Variants in VAT1L observed in about 807,000 individuals in gnomAD.
VAT1L encodes vesicle amine transport 1 like, also known as putative NADPH-dependent quinone oxidoreductase VAT1L.
Under a neutral mutation model 44.1 loss-of-function variants are expected in VAT1L, and 34 were observed. The observed-to-expected ratio is 0.77, with a 90% CI of 0.59 to 1.03. The LOEUF is 1.03. VAT1L is among the 50% of genes least tolerant of loss of function. The pLI is 0.00. For synonymous variants in VAT1L, 253 were observed against 202.2 expected (o/e 1.25, Z -2.13); for missense variants, 615 against 538.8 (o/e 1.14, Z -1.40).
chr16:77,876,447 A>C lies in VAT1L; in HGVS notation c.800A>C (p.Lys267Thr). 1 of 1,614,172 alleles carries C rather than the reference A, an allele frequency of 6.2e-7. No individual in the cohort carries two copies. The highest frequency in any genetic ancestry group is 8.5e-7 in the Non-Finnish European group (1 of 1,180,020). Residue 267 changes from lysine (K) to threonine (T), a missense_variant, in exon 5 of 9, where the codon AAA becomes ACA. Physicochemically the swap from Lys to Thr is moderately conservative, Grantham distance 78. Transcript: ENST00000302536. The stretch of plus-strand genomic sequence containing the variant: ...ACTGGAAAAGGTCTCAGTCTTCTCA[A>C]ACCCCTGGGAACCTACATTTTATAT... Reference protein sequence around the residue: ...DNTGKGLSLLKPLGTYILYGS... With the variant: ...DNTGKGLSLLTPLGTYILYGS...
At chr16:77,851,994 T>A (rs1233116892) in intron 3 of VAT1L, among the ~76,000 whole-genome samples, 1 of 152,146 alleles carries the variant, frequency 6.6e-6, no homozygotes, top group Non-Finnish European at 1.5e-5. Context: ...TCAGGTTTTC[T>A]GTTCCTGCGT....
At chr16:77,958,233 G>A (rs1226896102) in intron 7 of VAT1L, among the ~76,000 whole-genome samples, 4 of 151,952 alleles carry the variant, frequency 2.6e-5, no homozygotes, top group African/African-American at 9.7e-5. Context: ...ATGTCCCTCC[G>A]TTTGGCTGAG....
At chr16:77,929,474 C>G (rs1464702043) in intron 7 of VAT1L, among the ~76,000 whole-genome samples, 1 of 152,148 alleles carries the variant, frequency 6.6e-6, no homozygotes, top group South Asian at 2.1e-4. Context: ...ATTAGCAATT[C>G]TCAGCTCCAG....
At chr16:77,798,952 C>CTCTCCT (rs1408236353) in intron 1 of VAT1L, among the ~76,000 whole-genome samples, 1 of 152,032 alleles carries the variant, frequency 6.6e-6, no homozygotes, top group Non-Finnish European at 1.5e-5. Flanking sequence ...AGGCTTTCTC[C>CTCTCCT]TCTCCTTCCC....
At chr16:77,890,496 A>G (rs1465839226) in intron 7 of VAT1L, among the ~76,000 whole-genome samples, 11 of 152,186 alleles carry the variant, frequency 7.2e-5, no homozygotes, top group Admixed American at 5.9e-4. Context: ...TCTGGCCCCA[A>G]GTATGATCAC....
chr16:77,870,135 C>G (rs937044845), intron 4 of VAT1L, among the ~76,000 whole-genome samples: 3 of 152,188 alleles, frequency 2.0e-5, no homozygotes, highest in African/African-American at 7.2e-5. Context: ...GGGCTTGGCC[C>G]CCTGTGAGAA....
At chr16:77,825,138 A>C (rs768806111) in intron 2 of VAT1L, 108 bp from the exon 3 acceptor site, 25 of 1,199,462 alleles carry the variant, frequency 2.1e-5, no homozygotes, top group Non-Finnish European at 2.9e-5. Context: ...AAGTGCTGGG[A>C]TTATACGCAT....
intron 7 of VAT1L, among the ~76,000 whole-genome samples, chr16:77,963,406 G>A (rs1455519143): frequency 6.6e-6 from 1 of 152,060 alleles, no homozygotes; most frequent in Non-Finnish European, 1.5e-5. Context: ...TTCTAAAGAC[G>A]GGAAAGTCAA....
intron 4 of VAT1L, among the ~76,000 whole-genome samples, chr16:77,865,986 G>T (rs1394816492): frequency 1.3e-5 from 2 of 152,124 alleles, no homozygotes; most frequent in Non-Finnish European, 2.9e-5. Context: ...AGAACAGAAG[G>T]CATTTGAGAC....
intron 7 of VAT1L, 39 bp from the exon 8 acceptor site, chr16:77,971,811 C>A (rs769563514): frequency 8.8e-6 from 14 of 1,596,418 alleles, no homozygotes; most frequent in South Asian, 2.3e-5. Context: ...GGGAACATCT[C>A]GCCTAACCAG....
At position 77,796,627 on chromosome 16, in the gene VAT1L, C is replaced by A. The variant is rs1187426726; in HGVS notation, c.233+7712C>A. Among the ~76,000 whole-genome samples the A allele has an allele frequency of 3.3e-5, 5 of 152,198 alleles. 1 individual carries two copies. Among genetic ancestry groups the A allele is most frequent in the Admixed American group, 2.0e-4 (3 of 15,274 alleles). ...ACAAAGACTAGCTAAGTGTCTGTAG[C>A]AGTCTTGACGGTGCCTTGCACATGG... is the stretch of plus-strand genomic sequence containing the variant. On this transcript the variant is annotated intron_variant, in intron 1 of 8. Coordinates refer to ENST00000302536, the MANE Select transcript of VAT1L (RefSeq NM_020927.3).
chr16:77,902,025 GT>G (rs2142476916), intron 7 of VAT1L, among the ~76,000 whole-genome samples: 1 of 152,274 alleles, frequency 6.6e-6, no homozygotes, highest in African/African-American at 2.4e-5. Flanking sequence ...TGATTTATTT[GT>G]GGCAGTGTTT....
At chr16:77,954,196 C>T (rs747884661) in intron 7 of VAT1L, among the ~76,000 whole-genome samples, 4 of 152,198 alleles carry the variant, frequency 2.6e-5, no homozygotes, top group Admixed American at 6.5e-5. Flanking sequence ...GATACTTGCG[C>T]AGAACCAAAG....
At chr16:77,833,077 A>G (rs2016597899) in intron 3 of VAT1L, among the ~76,000 whole-genome samples, 1 of 152,236 alleles carries the variant, frequency 6.6e-6, no homozygotes, top group Non-Finnish European at 1.5e-5. Flanking sequence ...CTTCTTCAAC[A>G]TGCTACAAGT....
intron 7 of VAT1L, 76 bp from the exon 8 acceptor site, chr16:77,971,774 G>A: frequency 1.3e-6 from 2 of 1,482,892 alleles, no homozygotes; most frequent in Non-Finnish European, 1.8e-6. Context: ...TTGACAGTTT[G>A]AGTTCTCCAG....
In VAT1L at chr16:77,884,645, A is replaced by G. The variant is rs2017190347; in HGVS notation, c.920A>G (p.Tyr307Cys). 6.2e-7 allele frequency: 1 copy of G among 1,613,672 alleles called. No homozygotes were observed. Among genetic ancestry groups the G allele is most frequent in the African/African-American group, 1.3e-5 (1 of 74,982 alleles). Reference protein sequence around the residue: ...QVEKVNPIKLYEENKVIAGFS... With the variant: ...QVEKVNPIKLCEENKVIAGFS... ...GAGAAGGTGAACCCCATCAAGCTGT[A>G]TGAGGAGAACAAAGTCATCGCGGGG... Residue 307 changes from tyrosine (Y) to cysteine (C), a missense_variant, in exon 7 of 9, where the codon TAT becomes TGT. Tyr to Cys is a radical substitution (Grantham distance 194, BLOSUM62 -2). Coordinates refer to ENST00000302536, the MANE Select transcript of VAT1L (RefSeq NM_020927.3). This position sits in a 1 kb window ranked among gnomAD's most constrained non-coding sequence, Gnocchi z 4.5.
intron 7 of VAT1L, among the ~76,000 whole-genome samples, chr16:77,885,474 G>A (rs1239351850): frequency 6.6e-6 from 1 of 152,128 alleles, no homozygotes; most frequent in Non-Finnish European, 1.5e-5. Context: ...GAAGGTTTGG[G>A]CATTTGGGGA....
intron 8 of VAT1L, among the ~76,000 whole-genome samples, chr16:77,976,744 A>T (rs1461804720): frequency 1.3e-5 from 2 of 152,176 alleles, no homozygotes; most frequent in African/African-American, 4.8e-5. Context: ...TCTTAAAACA[A>T]ATTTATAAGG....
intron 7 of VAT1L, among the ~76,000 whole-genome samples, chr16:77,926,079 T>A (rs12449150): frequency 1.3e-5 from 2 of 149,372 alleles, no homozygotes; most frequent in South Asian, 2.1e-4. Context: ...TGGCTAACAC[T>A]GTGAAACCCC....
Sources: gnomAD v4.1 joint callset for allele counts (sites outside exome capture counted in the v4.1 genomes callset) on GRCh38, gnomAD v4.1.1 for gene constraint, Gnocchi (gnomAD v3.1) non-coding constraint, MANE v1.5 for transcripts, NCBI Gene and HGNC (gene_info 2026-07-23, HGNC 2026-07-21) for gene names.